CFAP61: variants seen among roughly 807,000 people sequenced by gnomAD.
CFAP61 encodes cilia- and flagella-associated protein 61.
Under a neutral mutation model 135.6 loss-of-function variants are expected in CFAP61, and 107 were observed. The observed-to-expected ratio is 0.79, with a 90% CI of 0.67 to 0.93. CFAP61 has a LOEUF of 0.93. Among genes scored for constraint, CFAP61 ranks in the 40% least tolerant of loss-of-function variants. CFAP61 has a pLI of 0.00. For missense variants in CFAP61, 1,507 were observed against 1,556.2 expected (o/e 0.97, Z 0.53); for synonymous variants, 575 against 578.5 (o/e 0.99, Z 0.09).
At chr20:20,344,697 C>G (rs1376149204) in intron 26 of CFAP61, among the ~76,000 whole-genome samples, 1 of 152,162 alleles carries the variant, frequency 6.6e-6, no homozygotes, top group Non-Finnish European at 1.5e-5. Context: ...TCTGGAGTTT[C>G]CTCAGCAAGC....
intron 25 of CFAP61, among the ~76,000 whole-genome samples, chr20:20,337,261 ACAGAATGGG>A (rs2058230763): frequency 7.1e-6 from 1 of 141,732 alleles, no homozygotes; most frequent in Non-Finnish European, 1.5e-5. Context: ...GGATGGATGG[ACAGAATGGG>A]TGGGTGGATG....
intron 19 of CFAP61, 129 bp from the exon 20 acceptor site, chr20:20,251,465 CA>C (rs2050897556): frequency 1.4e-6 from 1 of 716,646 alleles, no homozygotes; most frequent in East Asian, 2.7e-5. Context: ...CTCCTAGTAT[CA>C]GTCCTGGTAA....
At chr20:20,056,151 T>G in intron 1 of CFAP61, 1 of 634,776 alleles carries the variant, frequency 1.6e-6, no homozygotes, top group East Asian at 2.9e-5. Flanking sequence ...TTTCCTACAC[T>G]TAACCACAGA....
intron 7 of CFAP61, among the ~76,000 whole-genome samples, chr20:20,093,434 CTT>C (rs11479548): frequency 2.0e-3 from 238 of 121,886 alleles, no homozygotes; most frequent in East Asian, 5.4e-3. Flanking sequence ...TTGTGTATTT[CTT>C]TTTTTTTTTT....
intron 1 of CFAP61, among the ~76,000 whole-genome samples, chr20:20,053,755 GAGA>G (rs780470243): frequency 4.6e-5 from 7 of 152,040 alleles, no homozygotes; most frequent in African/African-American, 7.2e-5. Flanking sequence ...AATTTAAATA[GAGA>G]AGATTTTATA....
intron 21 of CFAP61, among the ~76,000 whole-genome samples, chr20:20,263,524 A>G (rs1442064474): frequency 6.6e-6 from 1 of 152,090 alleles, no homozygotes; most frequent in Non-Finnish European, 1.5e-5. Context: ...CTGTATTGGA[A>G]GGGCCTTTTC....
At chr20:20,357,053 A>AGT (rs1317315566) in intron 26 of CFAP61, among the ~76,000 whole-genome samples, 1 of 99,804 alleles carries the variant, frequency 1.0e-5, no homozygotes, top group Non-Finnish European at 2.2e-5. Flanking sequence ...AGGTGGTCAC[A>AGT]CTGAGGGGAA....
At chr20:20,357,330 T>C (rs1390647643) in intron 26 of CFAP61, among the ~76,000 whole-genome samples, 20 of 13,602 alleles carry the variant, frequency 1.5e-3, no homozygotes, top group African/African-American at 1.4e-3. Context: ...GAGGTGGTCA[T>C]ACTGTGAGGG....
intron 26 of CFAP61, among the ~76,000 whole-genome samples, chr20:20,355,968 GATCACACTGTGAGGGGAC>G (rs1371528233): frequency 2.6e-5 from 2 of 77,688 alleles, no homozygotes; most frequent in Non-Finnish European, 5.7e-5. Context: ...AAGGGGAGGT[GATCACACTGTGAGGGGAC>G]GTCACACTGT....
chr20:20,259,227 G>A (rs2051938973), intron 20 of CFAP61, among the ~76,000 whole-genome samples: 1 of 147,900 alleles, frequency 6.8e-6, no homozygotes, highest in South Asian at 2.2e-4. Flanking sequence ...ATGTCAACAG[G>A]AACCCAGGCC....
rs1268668835 is a variant in CFAP61 at position 20,056,133 on chromosome 20, T to C, written c.-36-485T>C. 5.6e-6 allele frequency: 4 copies of C among 708,102 alleles called. No homozygotes were observed. The Admixed American group carries it at 8.4e-5, about 15-fold the overall frequency. 43.9% of individuals were successfully genotyped at this position (708,102 alleles called of 1,614,324 possible). On this transcript the variant is annotated intron_variant, in intron 1 of 26. Coordinates refer to ENST00000245957, the MANE Select transcript of CFAP61 (RefSeq NM_015585.4). ...CCTGGTGGCCCTTCAGGAAGCCTAT[T>C]GCGAGCATTTCCTACACTTAACCAC...
intron 16 of CFAP61, among the ~76,000 whole-genome samples, chr20:20,198,901 A>C (rs932019259): frequency 5.3e-5 from 8 of 152,230 alleles, no homozygotes; most frequent in African/African-American, 1.7e-4. Context: ...TTTCCAGTCT[A>C]AATTCAATAA....
intron 20 of CFAP61, among the ~76,000 whole-genome samples, chr20:20,262,264 G>A (rs1421290477): frequency 6.6e-6 from 1 of 152,176 alleles, no homozygotes; most frequent in Non-Finnish European, 1.5e-5. Context: ...TATGGTGGAA[G>A]AGGCACTGCT....
intron 12 of CFAP61, among the ~76,000 whole-genome samples, chr20:20,167,043 T>C (rs911123678): frequency 6.6e-6 from 1 of 152,174 alleles, no homozygotes; most frequent in Non-Finnish European, 1.5e-5. Context: ...CACTTCTTTA[T>C]TGAAGGAAAG....
intron 21 of CFAP61, among the ~76,000 whole-genome samples, chr20:20,266,964 A>G (rs1367852271): frequency 6.6e-6 from 1 of 152,142 alleles, no homozygotes; most frequent in East Asian, 1.9e-4. Flanking sequence ...TCTTACTTCT[A>G]TGTGTGATGG....
At chr20:20,355,470 G>A (rs1388008866) in intron 26 of CFAP61, among the ~76,000 whole-genome samples, 5 of 51,540 alleles carry the variant, frequency 9.7e-5, no homozygotes, top group Admixed American at 5.1e-4. Context: ...TCACACTGAG[G>A]GGAGGTGGTC....
Position 20,174,035 on chromosome 20 carries a change from T to C in CFAP61, c.1385+4575T>C, listed in dbSNP as rs1408343112. Among the ~76,000 whole-genome samples, 3 of 152,248 alleles carry C rather than the reference T, an allele frequency of 2.0e-5. No individual in the cohort carries two copies. In the East Asian group the frequency reaches 5.8e-4, roughly 29 times the overall value. On this transcript the variant is annotated intron_variant, in intron 13 of 26. Transcript: ENST00000245957. ...CACACTTGTCTGGGAATTAGTTTGGTTGCAGTGGGGCCCTGGCTTTTCTTC... is the reference window on the plus strand; with the variant it reads ...CACACTTGTCTGGGAATTAGTTTGGCTGCAGTGGGGCCCTGGCTTTTCTTC...
chr20:20,085,562 C>T (rs757320660), intron 6 of CFAP61: 18 of 1,355,764 alleles, frequency 1.3e-5, no homozygotes, highest in South Asian at 1.0e-4. Flanking sequence ...ACTTTGTTAA[C>T]GGGCTGCTGA....
At position 20,127,613 on chromosome 20, in the gene CFAP61, G is replaced by A. The variant is rs925597856; in HGVS notation, c.860-15244G>A. Reference sequence around the variant, plus strand: ...AGCCGTGGATACCAGTGCCTGTTCCGGTGGAGGTGACGGTTGGTGGTGGGG... The same window carrying A: ...AGCCGTGGATACCAGTGCCTGTTCCAGTGGAGGTGACGGTTGGTGGTGGGG... On this transcript the variant is annotated intron_variant, in intron 8 of 26. Coordinates refer to ENST00000245957, the MANE Select transcript of CFAP61 (RefSeq NM_015585.4). Among the ~76,000 whole-genome samples the A allele has an allele frequency of 9.2e-5, 14 of 151,496 alleles. No individual in the cohort carries two copies. In the South Asian group the frequency reaches 1.5e-3, roughly 16 times the overall value.
Sources: gnomAD v4.1 joint callset for allele counts (sites outside exome capture counted in the v4.1 genomes callset) on GRCh38, gnomAD v4.1.1 for gene constraint, MANE v1.5 for transcripts, NCBI Gene and HGNC (gene_info 2026-07-23, HGNC 2026-07-21) for gene names.